NARS1: variants seen among roughly 807,000 people sequenced by gnomAD.
The protein encoded by NARS1 is asparagine--tRNA ligase, cytoplasmic.
NARS1 carries 65 observed loss-of-function variants against 79.2 expected under a neutral mutation model. The observed-to-expected ratio is 0.82, with a 90% confidence interval of 0.67 to 1.01. The LOEUF (loss-of-function observed/expected upper bound fraction) is 1.01, where lower values mean the gene tolerates loss of function less well. Among genes scored for constraint, NARS1 ranks in the 50% least tolerant of loss-of-function variants. The pLI, the probability that NARS1 is intolerant of heterozygous loss-of-function variation, is 0.00. For missense variants in NARS1, 649 were observed against 673.8 expected (o/e 0.96, Z 0.41); for synonymous variants, 229 against 238.8 (o/e 0.96, Z 0.38).
At chr18:57,615,782 T>G (rs951045554) in intron 3 of NARS1, 35 bp downstream of exon 3, 74 of 1,610,786 alleles carry the variant, frequency 4.6e-5, no homozygotes, top group Non-Finnish European at 6.2e-5. Context: ...AGTTCTAACT[T>G]TAACAACGTT....
At chr18:57,615,083 G>A (rs1388905174) in intron 4 of NARS1, among the ~76,000 whole-genome samples, 5 of 152,058 alleles carry the variant, frequency 3.3e-5, no homozygotes, top group East Asian at 1.9e-4. Flanking sequence ...TGGGAGGATC[G>A]TTAGAGCCCA....
chr18:57,620,667 AG>A lies in NARS1; in HGVS notation c.11-17del, dbSNP rs1316954052. On this transcript the variant is annotated splice_polypyrimidine_tract_variant and intron_variant, in intron 1 of 13. Transcript: ENST00000256854. ...TACAGCTCTGCTGTTTGACAAAATG[AG>A]GGTAAGTTATGGTCTGGCCATTAAC... 2 of 1,576,086 alleles carry A rather than the reference AG, an allele frequency of 1.3e-6. No homozygotes were observed. Among genetic ancestry groups the A allele is most frequent in the Admixed American group, 1.7e-5 (1 of 58,550 alleles).
chr18:57,602,616 C>G, intron 12 of NARS1, 130 bp from the exon 13 acceptor site: 3 of 1,244,082 alleles, frequency 2.4e-6, no homozygotes, highest in Non-Finnish European at 3.3e-6. Flanking sequence ...ATGTAATATT[C>G]AAATGTTTAC....
chr18:57,604,125 C>T (rs2051534073), intron 11 of NARS1, among the ~76,000 whole-genome samples: 1 of 152,248 alleles, frequency 6.6e-6, no homozygotes, highest in African/African-American at 2.4e-5. Context: ...GAGGTGGGAG[C>T]TAAGCCCACC....
At chr18:57,611,566 T>C (rs2122442015) in intron 6 of NARS1, 71 bp downstream of exon 6, 1 of 1,011,860 alleles carries the variant, frequency 9.9e-7, no homozygotes, top group East Asian at 2.8e-5. Context: ...TTTAAATAAA[T>C]GTATACAAAA....
intron 5 of NARS1, 94 bp downstream of exon 5, chr18:57,613,508 G>T: frequency 9.0e-7 from 1 of 1,113,494 alleles, no homozygotes; most frequent in Non-Finnish European, 1.3e-6. Flanking sequence ...AAAAGGGGGA[G>T]AGAAAAAAAC....
Position 57,607,209 on chromosome 18 carries a change from G to A in NARS1, c.926C>T (p.Pro309Leu). 3 of 1,614,086 alleles carry A rather than the reference G, an allele frequency of 1.9e-6. No homozygotes were observed. Among genetic ancestry groups the A allele is most frequent in the Non-Finnish European group, 1.7e-6 (2 of 1,180,018 alleles). ...AATACAAAAAACATCTCCCAGGGCTGGGAGGCAGGTCTCCAAGTACAACTG... is the reference window on the plus strand; with the variant it reads ...AATACAAAAAACATCTCCCAGGGCTAGGAGGCAGGTCTCCAAGTACAACTG... ...SSQLYLETCLPALGDVFCIAQ... is the reference protein window; with the variant it reads ...SSQLYLETCLLALGDVFCIAQ... The change falls in exon 9 of 14, where the codon CCA (proline) becomes CTA (leucine). Residue 309 changes from proline to leucine, a missense_variant. Transcript: ENST00000256854.
intron 13 of NARS1, 34 bp from the exon 14 acceptor site, chr18:57,601,817 A>T (rs376189058): frequency 8.6e-5 from 138 of 1,603,050 alleles, no homozygotes; most frequent in Non-Finnish European, 1.1e-4. Flanking sequence ...AAGAGGAGTA[A>T]ATACTTAAGT....
intron 4 of NARS1, among the ~76,000 whole-genome samples, chr18:57,615,391 A>G (rs2051640109): frequency 6.6e-6 from 1 of 151,410 alleles, no homozygotes; most frequent in African/African-American, 2.4e-5. Flanking sequence ...AGTCCCAGCT[A>G]CTCGGGAGGC....
intron 6 of NARS1, among the ~76,000 whole-genome samples, chr18:57,610,254 C>T (rs1235549093): frequency 6.6e-6 from 1 of 151,830 alleles, no homozygotes; most frequent in East Asian, 1.9e-4. Flanking sequence ...GGTGGATCAC[C>T]TGAGGTCAGG....
chr18:57,616,807 C>G (rs1429147115), intron 2 of NARS1, among the ~76,000 whole-genome samples: 1 of 151,934 alleles, frequency 6.6e-6, no homozygotes, highest in African/African-American at 2.4e-5. Context: ...TCGAGACCAT[C>G]CTGGCTAACA....
chr18:57,618,656 C>T (rs961786959), intron 2 of NARS1, among the ~76,000 whole-genome samples: 1 of 152,094 alleles, frequency 6.6e-6, no homozygotes, highest in Admixed American at 6.6e-5. Context: ...AGCCCCAGCA[C>T]TTTGGGAGGC....
At chr18:57,612,969 C>T (rs2051616451) in intron 5 of NARS1, among the ~76,000 whole-genome samples, 1 of 152,170 alleles carries the variant, frequency 6.6e-6, no homozygotes, top group Non-Finnish European at 1.5e-5. Flanking sequence ...TAAAACTCAA[C>T]TTGACAAATA....
rs764459038 is a variant in NARS1, at chr18:57,602,800, A to G, written c.1383+12T>C. 2 of 1,613,566 alleles carry G rather than the reference A, an allele frequency of 1.2e-6. No homozygotes were observed. Among genetic ancestry groups the G allele is most frequent in the South Asian group, 2.2e-5 (2 of 90,964 alleles). On this transcript the variant is annotated intron_variant, in intron 12 of 13. Coordinates refer to ENST00000256854, the MANE Select transcript of NARS1 (RefSeq NM_004539.4). ...AGCAAAATTATTAATACTCTTTGAA[A>G]CAGAAACTGACAGATTCAGTAAGAC...
chr18:57,612,989 C>T (rs72942213), intron 5 of NARS1, among the ~76,000 whole-genome samples: 23,677 of 152,080 alleles, frequency 0.16, 2,119 homozygotes, highest in Non-Finnish European at 0.2. Context: ...ATTTACTGGA[C>T]GCATCTTCAT....
At chr18:57,621,360 C>T (rs1291414289) in intron 1 of NARS1, among the ~76,000 whole-genome samples, 2 of 151,890 alleles carry the variant, frequency 1.3e-5, no homozygotes, top group African/African-American at 4.8e-5. Context: ...CCCTTCCTGA[C>T]GATCACTTTG....
At chr18:57,607,027 T>C (rs892374327) in intron 9 of NARS1, 107 bp downstream of exon 9, 39 of 1,208,998 alleles carry the variant, frequency 3.2e-5, no homozygotes, top group Admixed American at 4.6e-5. Context: ...AACCACTTAA[T>C]ATATCAGTTG....
rs1185181173 is a variant in NARS1, at chr18:57,601,794, A to AAAG, written c.1516-14_1516-12dup. On this transcript the variant is annotated splice_polypyrimidine_tract_variant and intron_variant, in intron 13 of 13. Transcript: ENST00000256854. ...TGTACCGTATTTTCTCTGTTTAAAA[A>AAAG]AAGAAAGAAAGAAAGAGGAGTAAAT... 6.3e-7 allele frequency: 1 copy of AAAG among 1,584,580 alleles called. No homozygotes were observed. The highest frequency in any genetic ancestry group is 8.6e-7 in the Non-Finnish European group (1 of 1,159,314).
At chr18:57,614,414 T>A (rs545393826) in intron 4 of NARS1, among the ~76,000 whole-genome samples, 1 of 152,038 alleles carries the variant, frequency 6.6e-6, no homozygotes. Flanking sequence ...GGCAGGAGGA[T>A]CACTTGAACC....
Sources: gnomAD v4.1 joint callset for allele counts (sites outside exome capture counted in the v4.1 genomes callset) on GRCh38, gnomAD v4.1.1 for gene constraint, MANE v1.5 for transcripts, NCBI Gene and HGNC (gene_info 2026-07-23, HGNC 2026-07-21) for gene names.